Variants in MCM9 observed in about 807,000 individuals in gnomAD.
The protein encoded by MCM9 is minichromosome maintenance 9 homologous recombination repair factor.
MCM9 carries 55 observed loss-of-function variants against 72.8 expected under a neutral mutation model. The ratio of observed to expected loss-of-function variants is 0.76; its 90% CI spans 0.61 to 0.95. MCM9 has a LOEUF of 0.95. Among genes scored for constraint, MCM9 ranks in the 40% least tolerant of loss-of-function variants. MCM9 has a pLI of 0.00. For missense variants in MCM9, 1,279 were observed against 1,377.0 expected, an observed-to-expected ratio of 0.93 and a Z score of 1.13; for synonymous variants, 480 against 503.4, an observed-to-expected ratio of 0.95 and a Z score of 0.62.
At chr6:118,819,686 G>A (rs1773660717) in intron 13 of MCM9, among the ~76,000 whole-genome samples, 1 of 152,168 alleles carries the variant, frequency 6.6e-6, no homozygotes, top group Non-Finnish European at 1.5e-5. Context: ...AATAGTTTCA[G>A]AAGGAATGAT....
intron 9 of MCM9, among the ~76,000 whole-genome samples, chr6:118,842,333 G>C (rs1775431427): frequency 6.6e-6 from 1 of 152,132 alleles, no homozygotes; most frequent in Non-Finnish European, 1.5e-5. Flanking sequence ...AGTTTGAAAA[G>C]AACCTTGAAA....
At chr6:118,839,117 C>T (rs778323181) in intron 9 of MCM9, among the ~76,000 whole-genome samples, 9 of 151,718 alleles carry the variant, frequency 5.9e-5, no homozygotes, top group Non-Finnish European at 1.0e-4. Flanking sequence ...AGACTTTGTT[C>T]GTTCCTTTTC....
In MCM9 at chr6:118,883,883, T is replaced by C. The variant is rs151168543; in HGVS notation, c.1151-27338A>G. The stretch of plus-strand genomic sequence containing the variant: ...AAATCTCTCTGGGTGATAACTCAAA[T>C]TGAAAAAAGAATGAGCACTGGCAAA... On this transcript the variant is annotated intron_variant, in intron 8 of 13. Transcript: ENST00000619706. Among the ~76,000 whole-genome samples, 6 of 152,156 alleles carry C rather than the reference T, an allele frequency of 3.9e-5. No homozygotes were observed. The East Asian group carries it at 1.2e-3, about 29-fold the overall frequency.
intron 9 of MCM9, among the ~76,000 whole-genome samples, chr6:118,836,363 A>G (rs1297356991): frequency 6.6e-6 from 1 of 152,186 alleles, no homozygotes. Context: ...GGCCTCATAA[A>G]ATGAGTTGGG....
Position 118,843,722 on chromosome 6 carries a change from A to ATG in MCM9, c.1325+12648_1325+12649insCA, listed in dbSNP as rs537080590. Among the ~76,000 whole-genome samples, 33 of 81,610 alleles carry ATG rather than the reference A, an allele frequency of 4.0e-4. 4 individuals are homozygous for ATG. Among genetic ancestry groups the ATG allele is most frequent in the Non-Finnish European group, 6.3e-4 (26 of 41,358 alleles). 53.5% of individuals were successfully genotyped at this position (81,610 alleles called of 152,430 possible). On this transcript the variant is annotated intron_variant, in intron 9 of 13. Transcript: ENST00000619706. ...TATATATGTATGTATATATATATGT[A>ATG]TATATATATATATATATATGAGAAA...
intron 8 of MCM9, among the ~76,000 whole-genome samples, chr6:118,863,278 T>C (rs1476026986): frequency 2.0e-5 from 3 of 152,220 alleles, no homozygotes; most frequent in Non-Finnish European, 4.4e-5. Flanking sequence ...ACGAGGTACT[T>C]ACACTACCTG....
intron 5 of MCM9, chr6:118,917,975 A>G: frequency 1.8e-6 from 1 of 556,320 alleles, no homozygotes; most frequent in Non-Finnish European, 3.2e-6. Context: ...GAAAAGCTGA[A>G]GTCAGTATTT....
chr6:118,906,686 A>T (rs1658538877), intron 8 of MCM9, among the ~76,000 whole-genome samples: 1 of 152,224 alleles, frequency 6.6e-6, no homozygotes, highest in African/African-American at 2.4e-5. Context: ...TGAGAAGCTG[A>T]AATCTAGGAT....
chr6:118,871,152 T>G (rs896891143), intron 8 of MCM9, among the ~76,000 whole-genome samples: 5 of 151,960 alleles, frequency 3.3e-5, no homozygotes, highest in Non-Finnish European at 7.4e-5. Context: ...CAAAAAAAAT[T>G]TACAGGCCAA....
chr6:118,931,455 A>G lies in MCM9; in HGVS notation c.269T>C (p.Val90Ala). The G allele has an allele frequency of 6.2e-7, 1 of 1,612,836 alleles. No individual in the cohort carries two copies. Among genetic ancestry groups the G allele is most frequent in the Non-Finnish European group, 8.5e-7 (1 of 1,178,870 alleles). ...GGCATGAAGATTCTGTTTCATGGAA[A>G]CAGCCTCAGGCTGAGAAAGGGACTG... The part of the protein sequence containing the change: ...ILQSLSQPEA[V>A]SMKQNLHARI... Residue 90 changes from valine to alanine, a missense_variant, in exon 3 of 14, where the codon GTT (valine) becomes GCT (alanine). By Grantham distance (64) the Val-to-Ala change is moderately conservative. Coordinates refer to ENST00000619706, the MANE Select transcript of MCM9 (RefSeq NM_017696.3).
chr6:118,814,696 G>C lies in MCM9; in HGVS notation c.*128C>G. 1 of 886,548 alleles carries C rather than the reference G, an allele frequency of 1.1e-6. No individual in the cohort carries two copies. Among genetic ancestry groups the C allele is most frequent in the East Asian group, 2.7e-5 (1 of 36,496 alleles). 54.9% of individuals were successfully genotyped at this position (886,548 alleles called of 1,614,324 possible). On this transcript the variant is annotated 3_prime_UTR_variant, in exon 14 of 14. Coordinates refer to ENST00000619706, the MANE Select transcript of MCM9 (RefSeq NM_017696.3). ...ACCTGAAATTAGAAAGCCTTAAGGG[G>C]GAGCCAGTATTCAGAGTGATCCTCA...
rs757640078 is a variant in MCM9, at chr6:118,931,633, C to T, written c.91G>A (p.Glu31Lys). The change falls in exon 3 of 14, where the codon GAA becomes AAA. Residue 31 changes from glutamate (E) to lysine (K), a missense_variant. Glu to Lys is a moderately conservative substitution (Grantham distance 56). Coordinates refer to ENST00000619706, the MANE Select transcript of MCM9 (RefSeq NM_017696.3). ...HKNDILLILK[E>K]RDEDAHYPVV... ...GGGTAATGAGCATCTTCATCCCTTT[C>T]CTTCAAGATTAGAAGAATATCATTC... The T allele has an allele frequency of 1.2e-5, 19 of 1,613,966 alleles. No individual in the cohort carries two copies. Among genetic ancestry groups the T allele is most frequent in the Non-Finnish European group, 1.5e-5 (18 of 1,180,026 alleles).
At chr6:118,891,562 G>A (rs372556240) in intron 8 of MCM9, among the ~76,000 whole-genome samples, 1 of 152,058 alleles carries the variant, frequency 6.6e-6, no homozygotes, top group Non-Finnish European at 1.5e-5. Flanking sequence ...CTCTGTGTGC[G>A]TGTGACCCTT....
intron 13 of MCM9, among the ~76,000 whole-genome samples, chr6:118,825,672 G>A (rs895693584): frequency 2.0e-5 from 3 of 152,170 alleles, no homozygotes; most frequent in African/African-American, 7.2e-5. Context: ...GGGAGTATGC[G>A]AACATTAATA....
At chr6:118,905,461 G>A (rs552446316) in intron 8 of MCM9, among the ~76,000 whole-genome samples, 1 of 152,244 alleles carries the variant, frequency 6.6e-6, no homozygotes, top group South Asian at 2.1e-4. Context: ...ATATATTGTG[G>A]CAAAACATGA....
chr6:118,843,720 G>GTATGTATATATATATGTATA (rs1775657861), intron 9 of MCM9, among the ~76,000 whole-genome samples: 1 of 102,006 alleles, frequency 9.8e-6, no homozygotes, highest in African/African-American at 4.5e-5. Flanking sequence ...ATATATATAT[G>GTATGTATATATATATGTATA]TATATATATA....
intron 9 of MCM9, among the ~76,000 whole-genome samples, chr6:118,853,441 T>C (rs537270933): frequency 6.6e-6 from 1 of 152,164 alleles, no homozygotes; most frequent in African/African-American, 2.4e-5. Flanking sequence ...AAAAAGCTTG[T>C]TGGGATTTTT....
Position 118,913,368 on chromosome 6 carries a change from T to G in MCM9, c.957A>C (p.Leu319=), listed in dbSNP as rs748448818. The G allele has an allele frequency of 5.6e-6, 9 of 1,614,122 alleles. No homozygotes were observed. Among genetic ancestry groups the G allele is most frequent in the Non-Finnish European group, 7.6e-6 (9 of 1,179,982 alleles). The change falls in exon 7 of 14, where the codon CTA becomes CTC. Residue 319 remains leucine (L), a synonymous_variant. Transcript: ENST00000619706. ...SLCPQVFGMY[L]VKLAVAMVLA... ...GCACCATGGCCACAGCAAGCTTTAC[T>G]AGATACATTCCAAACACTTGAGGGC... is the stretch of plus-strand genomic sequence containing the variant.
intron 8 of MCM9, among the ~76,000 whole-genome samples, chr6:118,902,382 A>G (rs1779858688): frequency 6.6e-6 from 1 of 152,228 alleles, no homozygotes; most frequent in South Asian, 2.1e-4. Flanking sequence ...TCCTAAAATT[A>G]GAACTACATT....
Sources: allele counts gnomAD v4.1 joint callset (sites outside exome capture counted in the v4.1 genomes callset), GRCh38; gene constraint gnomAD v4.1.1; transcripts MANE v1.5; gene names NCBI Gene and HGNC (gene_info 2026-07-23, HGNC 2026-07-21).